The following OCIAD1 variants were observed in gnomAD, a reference collection of about 807,000 sequenced individuals.
The protein encoded by OCIAD1 is OCIA domain-containing protein 1.
Under a neutral mutation model 38.9 loss-of-function variants are expected in OCIAD1, and 29 were observed. That is an observed-to-expected ratio of 0.74 (90% CI 0.55 to 1.02). The LOEUF is 1.02. OCIAD1 is among the 50% of genes least tolerant of loss of function. The probability of loss-of-function intolerance (pLI) is 0.00; values close to 1 mark genes in which losing one functional copy is unlikely to be tolerated. For synonymous variants in OCIAD1, 110 were observed against 92.0 expected, an observed-to-expected ratio of 1.20 and a Z score of -1.12; for missense variants, 288 against 289.6, an observed-to-expected ratio of 0.99 and a Z score of 0.04.
intron 1 of OCIAD1, chr4:48,831,586 G>T: frequency 7.8e-7 from 1 of 1,282,986 alleles, no homozygotes; most frequent in Non-Finnish European, 1.0e-6. Context: ...TTTGTGTAAA[G>T]AACTTAAAAT....
chr4:48,818,107 C>T (rs1777159983), intron 1 of OCIAD1, among the ~76,000 whole-genome samples: 1 of 152,212 alleles, frequency 6.6e-6, no homozygotes, highest in African/African-American at 2.4e-5. Context: ...GGGTCCCTGA[C>T]CTCTGTGCCT....
chr4:48,821,745 C>A (rs1777196792), intron 1 of OCIAD1, among the ~76,000 whole-genome samples: 1 of 151,978 alleles, frequency 6.6e-6, no homozygotes, highest in African/African-American at 2.4e-5. Context: ...TCCTATACAC[C>A]AACAATAGAC....
In OCIAD1 at chr4:48,845,479, C is replaced by G. The variant is rs114301125; in HGVS notation, c.193+2790C>G. 2.4e-3 allele frequency among the ~76,000 whole-genome samples: 359 copies of G among 152,272 alleles called. 1 individual carries two copies. Among genetic ancestry groups the G allele is most frequent in the Non-Finnish European group, 3.9e-3 (263 of 68,020 alleles). Reference sequence around the variant, plus strand: ...CATATTCCTAAGATTTTTCTCCTACCTCAGGCGATTCCTCTGTTTCATGTT... The same window carrying G: ...CATATTCCTAAGATTTTTCTCCTACGTCAGGCGATTCCTCTGTTTCATGTT... On this transcript the variant is annotated intron_variant, in intron 4 of 8. Transcript: ENST00000264312.
chr4:48,849,831 C>G, intron 5 of OCIAD1, 116 bp from the exon 6 acceptor site: 2 of 808,024 alleles, frequency 2.5e-6, no homozygotes. Context: ...AAATCTCAGT[C>G]TTTCTAAACC....
At chr4:48,825,497 G>A (rs1777240544) in intron 1 of OCIAD1, among the ~76,000 whole-genome samples, 1 of 152,238 alleles carries the variant, frequency 6.6e-6, no homozygotes, top group Non-Finnish European at 1.5e-5. Flanking sequence ...AAGAAGAGCT[G>A]AATTTTGCTT....
upstream of OCIAD1, among the ~76,000 whole-genome samples, chr4:48,828,856 G>A (rs1404869652): frequency 6.6e-6 from 1 of 152,232 alleles, no homozygotes; most frequent in Non-Finnish European, 1.5e-5. Flanking sequence ...GTGAGACCAA[G>A]AACCCACCAA....
At position 48,861,209 on chromosome 4, in the gene OCIAD1, C is replaced by A. The variant is rs548627029; in HGVS notation, c.*447C>A. ...TTTTCTCCAGTATTTTCTGTATTAT[C>A]TTAATGTTTATGGCAAATAAAATGT... On this transcript the variant is annotated 3_prime_UTR_variant, in exon 9 of 9. Coordinates refer to ENST00000264312, the MANE Select transcript of OCIAD1 (RefSeq NM_017830.4). 4.6e-4 allele frequency: 71 copies of A among 154,586 alleles called. No individual in the cohort carries two copies. The highest frequency in any genetic ancestry group is 1.7e-3 in the African/African-American group (69 of 41,596). The allele number at this position is 154,586 out of a possible 1,614,324, so 9.6% of individuals were successfully genotyped here. A position where few individuals can be genotyped will look rare whatever the true frequency, so the allele number is the denominator to read the frequency against.
upstream of OCIAD1, among the ~76,000 whole-genome samples, chr4:48,828,438 G>A (rs1777273704): frequency 6.6e-6 from 1 of 152,192 alleles, no homozygotes; most frequent in African/African-American, 2.4e-5. Context: ...GCCAGCAGCG[G>A]CAACCCACTC....
chr4:48,834,780 A>C (rs1777831344), intron 3 of OCIAD1, among the ~76,000 whole-genome samples: 1 of 152,128 alleles, frequency 6.6e-6, no homozygotes, highest in African/African-American at 2.4e-5. Flanking sequence ...ACCCTGTCTC[A>C]AAGAAAAGAA....
chr4:48,807,901 G>C (rs748801163), intron 1 of OCIAD1, among the ~76,000 whole-genome samples: 1 of 152,112 alleles, frequency 6.6e-6, no homozygotes, highest in Non-Finnish European at 1.5e-5. Flanking sequence ...GATGTCTCTA[G>C]ACCGGATGTT....
At chr4:48,833,818 A>T (rs907794461) in intron 3 of OCIAD1, among the ~76,000 whole-genome samples, 3 of 152,152 alleles carry the variant, frequency 2.0e-5, no homozygotes, top group Non-Finnish European at 4.4e-5. Context: ...AGGTTTAGAG[A>T]TGTTAAATGG....
chr4:48,830,802 C>G (rs910975717), upstream of OCIAD1: 10 of 152,494 alleles, frequency 6.6e-5, no homozygotes, highest in African/African-American at 2.4e-4. Flanking sequence ...GGAACGTTCC[C>G]GCCAGCCGCC....
intron 5 of OCIAD1, among the ~76,000 whole-genome samples, chr4:48,849,200 C>T (rs569852948): frequency 7.2e-5 from 11 of 151,990 alleles, no homozygotes; most frequent in East Asian, 1.9e-4. Flanking sequence ...ATGTAAACGA[C>T]GAGTTAATGG....
At chr4:48,809,095 A>G (rs1777060152) in intron 1 of OCIAD1, among the ~76,000 whole-genome samples, 1 of 152,216 alleles carries the variant, frequency 6.6e-6, no homozygotes, top group African/African-American at 2.4e-5. Context: ...CTTAGTTAAT[A>G]TAGCTGTTTT....
chr4:48,855,808 T>C (rs897953109), intron 7 of OCIAD1, among the ~76,000 whole-genome samples: 1 of 149,964 alleles, frequency 6.7e-6, no homozygotes, highest in Non-Finnish European at 1.5e-5. Context: ...AGAGTGAGAC[T>C]CTGTCTCAAA....
chr4:48,840,567 T>C (rs1399199504), intron 3 of OCIAD1, among the ~76,000 whole-genome samples: 1 of 152,232 alleles, frequency 6.6e-6, no homozygotes, highest in Non-Finnish European at 1.5e-5. Context: ...AATCATGAAA[T>C]CTGTAATAAT....
chr4:48,839,284 A>C (rs1322836944), intron 3 of OCIAD1, among the ~76,000 whole-genome samples: 1 of 152,142 alleles, frequency 6.6e-6, no homozygotes, highest in Non-Finnish European at 1.5e-5. Context: ...AAAAATACAA[A>C]AATTAGCCAG....
intron 3 of OCIAD1, among the ~76,000 whole-genome samples, chr4:48,835,002 C>T (rs1777858128): frequency 6.6e-6 from 1 of 152,320 alleles, no homozygotes; most frequent in Admixed American, 6.5e-5. Context: ...GGTGTGATCT[C>T]TGCTCACGTC....
chr4:48,858,113 C>A (rs545207956), intron 8 of OCIAD1, among the ~76,000 whole-genome samples: 2 of 152,216 alleles, frequency 1.3e-5, no homozygotes, highest in South Asian at 4.1e-4. Flanking sequence ...GACATCACGC[C>A]ACTGCACTGC....
Sources: allele counts gnomAD v4.1 joint callset (sites outside exome capture counted in the v4.1 genomes callset), GRCh38; gene constraint gnomAD v4.1.1; transcripts MANE v1.5; gene names NCBI Gene and HGNC (gene_info 2026-07-23, HGNC 2026-07-21).